REV1: variants seen among roughly 807,000 people sequenced by gnomAD.
REV1 encodes the protein REV1 DNA directed polymerase.
In REV1, 42 loss-of-function variants were observed where a neutral mutation model predicts 137.4. The observed-to-expected ratio is 0.31, with a 90% CI of 0.24 to 0.40. The LOEUF is 0.40. Ranked by LOEUF, REV1 falls within the 10% of genes least tolerant of loss-of-function variation. The probability of loss-of-function intolerance (pLI) is 1.00; values close to 1 mark genes in which losing one functional copy is unlikely to be tolerated. For missense variants in REV1, 1,282 were observed against 1,490.1 expected (o/e 0.86, Z 2.30); for synonymous variants, 524 against 519.2 (o/e 1.01, Z -0.12).
At chr2:99,451,738 T>C (rs10169151) in intron 3 of REV1, among the ~76,000 whole-genome samples, 54 of 152,050 alleles carry the variant, frequency 3.6e-4, no homozygotes, top group African/African-American at 1.2e-3. Flanking sequence ...TTTCGAGTAA[T>C]GTATATGACC....
At chr2:99,488,954 T>C (rs950649066) in intron 1 of REV1, among the ~76,000 whole-genome samples, 1 of 152,234 alleles carries the variant, frequency 6.6e-6, no homozygotes, top group African/African-American at 2.4e-5. Context: ...GTACATGGCG[T>C]GAGAAGACGT....
At chr2:99,455,665 T>C (rs1683455306) in intron 3 of REV1, among the ~76,000 whole-genome samples, 2 of 152,184 alleles carry the variant, frequency 1.3e-5, no homozygotes, top group African/African-American at 4.8e-5. Context: ...AGAGATATTA[T>C]ATATCCATAC....
chr2:99,408,044 T>C lies in REV1; in HGVS notation c.2433A>G (p.Ile811Met). ...LNMFHTMKLNISDMRGVGIHV... is the reference protein window; with the variant it reads ...LNMFHTMKLNMSDMRGVGIHV... Reference sequence around the variant, plus strand: ...ATATACTTACCCCTCTCATATCTGATATATTTAGTTTCATTGTATGAAACA... The same window carrying C: ...ATATACTTACCCCTCTCATATCTGACATATTTAGTTTCATTGTATGAAACA... Residue 811 changes from isoleucine (I) to methionine (M), a missense_variant, in exon 15 of 23, where the codon ATA (isoleucine) becomes ATG (methionine). Physicochemically the swap from Ile to Met is conservative, Grantham distance 10. Transcript: ENST00000258428. 6.3e-7 allele frequency: 1 copy of C among 1,586,740 alleles called. No individual in the cohort carries two copies. The highest frequency in any genetic ancestry group is 8.6e-7 in the Non-Finnish European group (1 of 1,160,438).
At chr2:99,484,755 C>T (rs1686969634) in intron 1 of REV1, among the ~76,000 whole-genome samples, 1 of 151,986 alleles carries the variant, frequency 6.6e-6, no homozygotes, top group African/African-American at 2.4e-5. Context: ...ACAACACACA[C>T]TCACAAATAA....
chr2:99,425,640 C>T (rs1679236851), intron 9 of REV1, among the ~76,000 whole-genome samples: 1 of 152,098 alleles, frequency 6.6e-6, no homozygotes, highest in Non-Finnish European at 1.5e-5. Context: ...GAAAAAAGGT[C>T]TGGTGTTGAA....
intron 3 of REV1, among the ~76,000 whole-genome samples, chr2:99,455,779 T>C (rs1683471298): frequency 6.6e-6 from 1 of 152,246 alleles, no homozygotes; most frequent in African/African-American, 2.4e-5. Context: ...AAAACATCAA[T>C]GTAAGCTGTC....
intron 6 of REV1, chr2:99,436,584 T>C (rs1007068127): frequency 1.3e-5 from 2 of 152,554 alleles, no homozygotes; most frequent in African/African-American, 2.4e-5. Context: ...CATTAAATAC[T>C]ATTAAAGATC....
chr2:99,403,179 CTT>C, intron 19 of REV1, 73 bp from the exon 20 acceptor site: 3 of 1,239,012 alleles, frequency 2.4e-6, no homozygotes, highest in Non-Finnish European at 3.3e-6. Flanking sequence ...ATTGGGTTCT[CTT>C]TTCTCCTCCC....
intron 5 of REV1, 53 bp from the exon 6 acceptor site, chr2:99,439,363 C>T (rs553808046): frequency 1.6e-6 from 2 of 1,272,122 alleles, no homozygotes; most frequent in African/African-American, 3.0e-5. Context: ...TAGGTTAAAA[C>T]AATTTTTTCA....
intron 9 of REV1, among the ~76,000 whole-genome samples, chr2:99,428,693 A>C (rs1390723741): frequency 6.6e-6 from 1 of 152,168 alleles, no homozygotes; most frequent in Admixed American, 6.5e-5. Flanking sequence ...ACTCTGAATC[A>C]AGACTAAAAA....
intron 6 of REV1, among the ~76,000 whole-genome samples, chr2:99,436,397 C>T (rs555932847): frequency 6.6e-6 from 1 of 152,196 alleles, no homozygotes; most frequent in African/African-American, 2.4e-5. Flanking sequence ...GGTAGGTAAT[C>T]GTATCATCTC....
At position 99,449,497 on chromosome 2, in the gene REV1, G is replaced by A. The variant is rs754399591; in HGVS notation, c.189C>T (p.Ser63=). Residue 63 remains serine, a synonymous_variant, in exon 4 of 23, where the codon TCC becomes TCT. Coordinates refer to ENST00000258428, the MANE Select transcript of REV1 (RefSeq NM_016316.4). ...AIYVNGYTDP[S]AEELRKLMML... ...TCATTAGTTTTCTCAATTCCTCAGC[G>A]GAAGGATCTGCAAAATTTATATTAA... The A allele has an allele frequency of 3.9e-5, 56 of 1,441,962 alleles. No individual in the cohort carries two copies. Among genetic ancestry groups the A allele is most frequent in the Middle Eastern group, 1.8e-4 (1 of 5,452 alleles). The allele number at this position is 1,441,962 out of a possible 1,614,324, so 89.3% of individuals were successfully genotyped here.
At chr2:99,417,048 G>T (rs140687585) in intron 12 of REV1, among the ~76,000 whole-genome samples, 1 of 152,178 alleles carries the variant, frequency 6.6e-6, no homozygotes, top group African/African-American at 2.4e-5. Context: ...AAAAGGGTTC[G>T]ATTTAAAGAT....
In REV1 at chr2:99,408,625, A is replaced by G. The variant is rs370725674; in HGVS notation, c.2346-494T>C. ...TCATTGTGTTTACAGTACAGCCAAT[A>G]AACAATTCTTAGATCTTTAAGAACT... On this transcript the variant is annotated intron_variant, in intron 14 of 22. Transcript: ENST00000258428. Among the ~76,000 whole-genome samples, 115 of 152,324 alleles carry G rather than the reference A, an allele frequency of 7.5e-4. 2 individuals are homozygous for G. The South Asian group carries it at 0.018, about 24-fold the overall frequency.
At chr2:99,424,325 T>C (rs1679063233) in intron 9 of REV1, 45 bp from the exon 10 acceptor site, 1 of 1,584,268 alleles carries the variant, frequency 6.3e-7, no homozygotes, top group Non-Finnish European at 8.6e-7. Context: ...TAGGAAGTTT[T>C]CAACTCAAAT....
intron 1 of REV1, among the ~76,000 whole-genome samples, chr2:99,481,523 A>T (rs1686607406): frequency 6.6e-6 from 1 of 152,214 alleles, no homozygotes; most frequent in Admixed American, 6.5e-5. Flanking sequence ...AGCTGTCATA[A>T]ATTGAGCAAG....
At chr2:99,481,753 T>C (rs996772155) in intron 1 of REV1, among the ~76,000 whole-genome samples, 1 of 151,948 alleles carries the variant, frequency 6.6e-6, no homozygotes, top group Non-Finnish European at 1.5e-5. Flanking sequence ...CCTGTAGTCC[T>C]AGCTACTGGG....
rs1681641806 is a variant in REV1, at chr2:99,442,465, T to C, written c.355A>G (p.Lys119Glu). The C allele has an allele frequency of 6.2e-7, 1 of 1,611,760 alleles. No individual in the cohort carries two copies. Among genetic ancestry groups the C allele is most frequent in the Admixed American group, 1.7e-5 (1 of 59,196 alleles). ...ATGTAGGAGAGGAGTCGTCCAGCTTTGATGCTGAAACAAAAAGCAACACCA... is the reference window on the plus strand; with the variant it reads ...ATGTAGGAGAGGAGTCGTCCAGCTTCGATGCTGAAACAAAAAGCAACACCA... ...IRPEWIVESI[K>E]AGRLLSYIPY... The change falls in exon 5 of 23, where the codon AAA (lysine) becomes GAA (glutamate). Residue 119 changes from lysine to glutamate, a missense_variant. Lys to Glu is a moderately conservative substitution (Grantham distance 56). This residue lies in a region of REV1 where 107 missense variants were observed against 164.3 expected (regional missense o/e 0.65). Transcript: ENST00000258428.
chr2:99,469,255 T>A (rs1473755704), intron 1 of REV1, among the ~76,000 whole-genome samples: 1 of 152,306 alleles, frequency 6.6e-6, no homozygotes, highest in East Asian at 1.9e-4. Context: ...AACAAGATTG[T>A]TCTTGAAGAA....
Sources: gnomAD v4.1 joint callset for allele counts (sites outside exome capture counted in the v4.1 genomes callset) on GRCh38, gnomAD v4.1.1 for gene constraint, gnomAD v4.1.1 regional missense constraint, MANE v1.5 for transcripts, NCBI Gene and HGNC (gene_info 2026-07-23, HGNC 2026-07-21) for gene names.